The following ITM2B variants were observed in gnomAD, a reference collection of about 807,000 sequenced individuals.
ITM2B encodes the protein ABri/ADan amyloid peptide.
ITM2B carries 11 observed loss-of-function variants against 27.8 expected under a neutral mutation model. That is an observed-to-expected ratio of 0.40 (90% CI 0.25 to 0.66). The LOEUF is 0.66. Among genes scored for constraint, ITM2B ranks in the 30% least tolerant of loss-of-function variants. The pLI is 0.43. For missense variants in ITM2B, 296 were observed against 328.9 expected (o/e 0.90, Z 0.77); for synonymous variants, 114 against 114.3 (o/e 1.00, Z 0.02).
At chr13:48,236,805 A>G (rs1285208799) in intron 1 of ITM2B, among the ~76,000 whole-genome samples, 1 of 152,202 alleles carries the variant, frequency 6.6e-6, no homozygotes, top group Non-Finnish European at 1.5e-5. Flanking sequence ...AGGCCACAGA[A>G]TAGCTTAAGC....
At chr13:48,242,665 T>C (rs1310596236) in intron 1 of ITM2B, among the ~76,000 whole-genome samples, 2 of 152,212 alleles carry the variant, frequency 1.3e-5, no homozygotes, top group Non-Finnish European at 2.9e-5. Flanking sequence ...CATTCATTTT[T>C]CTCTCAGCAT....
In ITM2B at chr13:48,260,943, C is replaced by T. The variant is rs9332303; in HGVS notation, c.716-196C>T. On this transcript the variant is annotated intron_variant, in intron 5 of 5. Transcript: ENST00000647800. Reference sequence around the variant, plus strand: ...ATAGCATTATTAATGTTGCTGTGATCTGTCAAGATATTAATACTTGGTTCA... The same window carrying T: ...ATAGCATTATTAATGTTGCTGTGATTTGTCAAGATATTAATACTTGGTTCA... Among the ~76,000 whole-genome samples, 761 of 152,174 alleles carry T rather than the reference C, an allele frequency of 5.0e-3. 5 individuals are homozygous for T. Among genetic ancestry groups the T allele is most frequent in the Middle Eastern group, 0.01 (3 of 294 alleles).
chr13:48,233,604 A>G (rs1951649781), intron 1 of ITM2B, 127 bp downstream of exon 1: 1 of 520,664 alleles, frequency 1.9e-6, no homozygotes, highest in Non-Finnish European at 3.3e-6. Flanking sequence ...AGTCCCCGAG[A>G]GAGCCCGGCG....
intron 1 of ITM2B, among the ~76,000 whole-genome samples, chr13:48,240,221 G>A (rs1263605839): frequency 1.3e-5 from 2 of 151,850 alleles, no homozygotes; most frequent in Non-Finnish European, 1.5e-5. Context: ...TTATTTTTTT[G>A]TTGAGAAACA....
chr13:48,248,397 A>G (rs1951735585), intron 1 of ITM2B, among the ~76,000 whole-genome samples: 1 of 152,070 alleles, frequency 6.6e-6, no homozygotes, highest in Non-Finnish European at 1.5e-5. Context: ...CTGCCTCCCA[A>G]AGTGCTGAGA....
At position 48,267,745 on chromosome 13, in the gene ITM2B, A is replaced by G. The variant is rs1379557533; in HGVS notation, c.*6521A>G. ...CATAGGATACATGTTAATATTAGGT[A>G]GTACATCTAAAGAATTCATTTGCTT... is the stretch of plus-strand genomic sequence containing the variant. On this transcript the variant is annotated 3_prime_UTR_variant, in exon 6 of 6. Coordinates refer to ENST00000647800, the MANE Select transcript of ITM2B (RefSeq NM_021999.5). The G allele has an allele frequency of 6.6e-6, 1 of 152,194 alleles. No individual in the cohort carries two copies. Among genetic ancestry groups the G allele is most frequent in the Non-Finnish European group, 1.5e-5 (1 of 68,024 alleles). 9.4% of individuals were successfully genotyped at this position (152,194 alleles called of 1,614,324 possible).
In ITM2B at chr13:48,255,147, A is replaced by T. The variant is rs137907491; in HGVS notation, c.247-1030A>T. On this transcript the variant is annotated intron_variant, in intron 2 of 5. Transcript: ENST00000647800. ...CACCTTGGCCTCCCAAAGTGCTAGG[A>T]TTACAGGCGTGACACACCATGCCTG... Among the ~76,000 whole-genome samples, 693 of 152,010 alleles carry T rather than the reference A, an allele frequency of 4.6e-3. 4 individuals are homozygous for T. Among genetic ancestry groups the T allele is most frequent in the Non-Finnish European group, 7.1e-3 (484 of 67,978 alleles).
rs1951845836 is a variant in ITM2B at position 48,265,263 on chromosome 13, A to T, written c.*4039A>T. The T allele has an allele frequency of 6.6e-6, 1 of 152,214 alleles. No homozygotes were observed. Among genetic ancestry groups the T allele is most frequent in the Non-Finnish European group, 1.5e-5 (1 of 68,036 alleles). 9.4% of individuals were successfully genotyped at this position (152,214 alleles called of 1,614,324 possible). A position where few individuals can be genotyped will look rare whatever the true frequency, so the allele number is the denominator to read the frequency against. ...TCCCCAACAGTTTAACGTGCGATAC[A>T]ATAATGTGTGACACAAAATGACCTA... On this transcript the variant is annotated 3_prime_UTR_variant, in exon 6 of 6. Coordinates refer to ENST00000647800, the MANE Select transcript of ITM2B (RefSeq NM_021999.5).
Position 48,269,407 on chromosome 13 carries a change from G to A in ITM2B, c.*8183G>A, listed in dbSNP as rs868698924. ...CTCTTCTAAACAGAGTAGCTAGAGC[G>A]ATCTTTTCTAAATCTAAGCCACATC... is the stretch of plus-strand genomic sequence containing the variant. On this transcript the variant is annotated 3_prime_UTR_variant, in exon 6 of 6. Coordinates refer to ENST00000647800, the MANE Select transcript of ITM2B (RefSeq NM_021999.5). 6.6e-6 allele frequency: 1 copy of A among 152,172 alleles called. No individual in the cohort carries two copies. 9.4% of individuals were successfully genotyped at this position (152,172 alleles called of 1,614,324 possible).
chr13:48,239,727 T>C (rs1202118484), intron 1 of ITM2B, among the ~76,000 whole-genome samples: 1 of 152,204 alleles, frequency 6.6e-6, no homozygotes, highest in African/African-American at 2.4e-5. Flanking sequence ...AAATCAGTAC[T>C]ATTTTAATTT....
intron 1 of ITM2B, among the ~76,000 whole-genome samples, chr13:48,247,126 G>A (rs756754009): frequency 2.6e-5 from 4 of 152,192 alleles, no homozygotes; most frequent in South Asian, 2.1e-4. Flanking sequence ...GCGCTTGGCC[G>A]GGAAATCCTA....
rs1951825391 is a variant in ITM2B at position 48,261,905 on chromosome 13, C to G, written c.*681C>G. ...GTGTTGTTTTTCCCGTATAATAAAA[C>G]CAAAGAATAGTTTGGTTCTTCAAAT... is the stretch of plus-strand genomic sequence containing the variant. On this transcript the variant is annotated 3_prime_UTR_variant, in exon 6 of 6. Transcript: ENST00000647800. 6.6e-6 allele frequency: 1 copy of G among 152,478 alleles called. No individual in the cohort carries two copies. Among genetic ancestry groups the G allele is most frequent in the South Asian group, 2.1e-4 (1 of 4,826 alleles). The allele number at this position is 152,478 out of a possible 1,614,324, so 9.4% of individuals were successfully genotyped here. A position where few individuals can be genotyped will look rare whatever the true frequency, so the allele number is the denominator to read the frequency against.
At chr13:48,245,223 G>T (rs1377349845) in intron 1 of ITM2B, among the ~76,000 whole-genome samples, 1 of 152,100 alleles carries the variant, frequency 6.6e-6, no homozygotes, top group African/African-American at 2.4e-5. Flanking sequence ...CTACTCGGAA[G>T]GCTGAGGCAG....
chr13:48,258,146 T>C lies in ITM2B; in HGVS notation c.474T>C (p.Asp158=). The change falls in exon 4 of 6, where the codon GAT becomes GAC. Residue 158 remains aspartate, a synonymous_variant. Coordinates refer to ENST00000647800, the MANE Select transcript of ITM2B (RefSeq NM_021999.5). The stretch of plus-strand genomic sequence containing the variant: ...CCCAGAAACTTACAGCCTATTTAGA[T>C]CTTAACCTGGATAAGTGCTATGTGA... The part of the protein sequence containing the change: ...DFNKKLTAYL[D]LNLDKCYVIP... 6.3e-7 allele frequency: 1 copy of C among 1,592,676 alleles called. No individual in the cohort carries two copies. The highest frequency in any genetic ancestry group is 8.6e-7 in the Non-Finnish European group (1 of 1,160,600).
chr13:48,258,832 T>C lies in ITM2B; in HGVS notation c.600T>C (p.His200=). The change falls in exon 5 of 6, where the codon CAT becomes CAC. Residue 200 remains histidine, a synonymous_variant. Transcript: ENST00000647800. ...GTYLPQSYLI[H]EHMVITDRIE... is the part of the protein sequence containing the mutation. Reference sequence around the variant, plus strand: ...ATTTGCCTCAGTCCTATCTGATTCATGAGCACATGGTTATTACTGATCGCA... The same window carrying C: ...ATTTGCCTCAGTCCTATCTGATTCACGAGCACATGGTTATTACTGATCGCA... 1 of 1,613,848 alleles carries C rather than the reference T, an allele frequency of 6.2e-7. No homozygotes were observed. The highest frequency in any genetic ancestry group is 8.5e-7 in the Non-Finnish European group (1 of 1,179,708).
chr13:48,260,782 G>A (rs550424150), intron 5 of ITM2B, among the ~76,000 whole-genome samples: 1 of 151,856 alleles, frequency 6.6e-6, no homozygotes, highest in African/African-American at 2.4e-5. Context: ...AGCCTTACAC[G>A]TGCCATGAAA....
At chr13:48,247,617 A>G (rs1219398589) in intron 1 of ITM2B, among the ~76,000 whole-genome samples, 1 of 152,242 alleles carries the variant, frequency 6.6e-6, no homozygotes, top group Non-Finnish European at 1.5e-5. Flanking sequence ...TTATAATTGA[A>G]GCACATTTAC....
intron 1 of ITM2B, 117 bp from the exon 2 acceptor site, chr13:48,253,690 TC>T: frequency 9.8e-7 from 1 of 1,023,172 alleles, no homozygotes; most frequent in Non-Finnish European, 1.5e-6. Context: ...GAGACACAAC[TC>T]CTTTGGTCTT....
chr13:48,245,413 AAAAG>A (rs1951719117), intron 1 of ITM2B, among the ~76,000 whole-genome samples: 1 of 151,952 alleles, frequency 6.6e-6, no homozygotes, highest in Non-Finnish European at 1.5e-5. Context: ...CTATGTAGAA[AAAAG>A]AATAAGAGAT....
Sources: allele counts gnomAD v4.1 joint callset (sites outside exome capture counted in the v4.1 genomes callset), GRCh38; gene constraint gnomAD v4.1.1; transcripts MANE v1.5; gene names NCBI Gene and HGNC (gene_info 2026-07-23, HGNC 2026-07-21).